Variants in LRRFIP2 observed in about 807,000 individuals in gnomAD.
The protein encoded by LRRFIP2 is leucine-rich repeat flightless-interacting protein 2.
In LRRFIP2, 109 loss-of-function variants were observed where a neutral mutation model predicts 125.9. The observed-to-expected ratio is 0.87, with a 90% confidence interval of 0.74 to 1.01. The LOEUF is 1.01. Among genes scored for constraint, LRRFIP2 ranks in the 50% least tolerant of loss-of-function variants. The probability of loss-of-function intolerance (pLI) is 0.00; values close to 1 mark genes in which losing one functional copy is unlikely to be tolerated. For synonymous variants in LRRFIP2, 291 were observed against 293.1 expected, an observed-to-expected ratio of 0.99 and a Z score of 0.07; for missense variants, 850 against 862.3, an observed-to-expected ratio of 0.99 and a Z score of 0.18.
intron 15 of LRRFIP2, among the ~76,000 whole-genome samples, 166 bp from the exon 16 acceptor site, chr3:37,096,826 C>T (rs1207065201): frequency 6.6e-6 from 1 of 151,918 alleles, no homozygotes; most frequent in Non-Finnish European, 1.5e-5. Context: ...GATAAAATGT[C>T]AGCAACTTTA....
intron 17 of LRRFIP2, 134 bp downstream of exon 17, chr3:37,094,656 CTT>C (rs1407738035): frequency 3.4e-6 from 2 of 592,020 alleles, no homozygotes; most frequent in Non-Finnish European, 6.0e-6. Flanking sequence ...TTGAGTCACA[CTT>C]TTGTACAGTA....
chr3:37,092,471 T>C (rs568603366), intron 17 of LRRFIP2, among the ~76,000 whole-genome samples: 2 of 152,338 alleles, frequency 1.3e-5, no homozygotes, highest in Admixed American at 6.5e-5. Context: ...AGGAGGCAGA[T>C]GGTAGGATAC....
At chr3:37,092,958 C>T (rs1198776449) in intron 17 of LRRFIP2, among the ~76,000 whole-genome samples, 1 of 152,104 alleles carries the variant, frequency 6.6e-6, no homozygotes, top group Admixed American at 6.6e-5. Flanking sequence ...CCTGCCTCAG[C>T]CTCCCAAGTA....
intron 1 of LRRFIP2, among the ~76,000 whole-genome samples, chr3:37,169,383 T>C (rs11920928): frequency 0.38 from 58,170 of 152,068 alleles, 11,832 homozygotes; most frequent in Non-Finnish European, 0.45. Context: ...TCCTTGACTG[T>C]TCACCTAGAT....
In LRRFIP2 at chr3:37,108,054, CAG is replaced by C. The variant is rs775167610; in HGVS notation, c.714+17_714+18del. ...CAATCAAAAATTTCTACAAAGCATG[CAG>C]AGACTAGACAGCTCACCCCTGGACT... On this transcript the variant is annotated intron_variant, in intron 13 of 27. Coordinates refer to ENST00000336686, the MANE Select transcript of LRRFIP2 (RefSeq NM_006309.4). 2.5e-6 allele frequency: 4 copies of C among 1,608,520 alleles called. No individual in the cohort carries two copies. The highest frequency in any genetic ancestry group is 2.7e-5 in the African/African-American group (2 of 74,696).
chr3:37,122,342 T>C (rs2095092321), intron 4 of LRRFIP2, among the ~76,000 whole-genome samples: 1 of 152,114 alleles, frequency 6.6e-6, no homozygotes, highest in South Asian at 2.1e-4. Flanking sequence ...ATCTTGGCAA[T>C]GTTCCTATTT....
chr3:37,167,930 C>A (rs1191209655), intron 1 of LRRFIP2, among the ~76,000 whole-genome samples: 4 of 152,036 alleles, frequency 2.6e-5, no homozygotes, highest in Admixed American at 2.6e-4. Context: ...GAGCTGTGGT[C>A]GGGCCATTGC....
At chr3:37,095,002 T>C in intron 16 of LRRFIP2, 94 bp from the exon 17 acceptor site, 1 of 801,420 alleles carries the variant, frequency 1.2e-6, no homozygotes, top group Non-Finnish European at 2.2e-6. Context: ...TGGGGGAAGA[T>C]GTGGGTTTCA....
intron 21 of LRRFIP2, chr3:37,067,885 G>GT (rs1472545309): frequency 4.6e-5 from 7 of 152,244 alleles, no homozygotes; most frequent in Middle Eastern, 3.4e-3. Flanking sequence ...CCCTTAAATA[G>GT]TTTTTTAAAT....
chr3:37,095,032 G>T (rs181810740), intron 16 of LRRFIP2, 124 bp from the exon 17 acceptor site: 27 of 668,084 alleles, frequency 4.0e-5, no homozygotes, highest in African/African-American at 1.3e-4. Flanking sequence ...GTTACCATGT[G>T]TAATCAATGG....
chr3:37,154,037 T>C (rs1207036518), intron 1 of LRRFIP2, among the ~76,000 whole-genome samples: 1 of 141,702 alleles, frequency 7.1e-6, no homozygotes, highest in Non-Finnish European at 1.6e-5. Context: ...TATCCAGACA[T>C]GTTGACGAAC....
At chr3:37,062,065 A>T (rs770245527) in intron 24 of LRRFIP2, among the ~76,000 whole-genome samples, 3 of 152,170 alleles carry the variant, frequency 2.0e-5, no homozygotes, top group Non-Finnish European at 2.9e-5. Flanking sequence ...CATCATTATA[A>T]TCATTTTCTT....
At chr3:37,123,510 T>C (rs548018549) in intron 4 of LRRFIP2, among the ~76,000 whole-genome samples, 2 of 152,198 alleles carry the variant, frequency 1.3e-5, no homozygotes, top group African/African-American at 4.8e-5. Context: ...TTTTTTATTA[T>C]GCAATAGACA....
At chr3:37,163,782 C>T (rs559576765) in intron 1 of LRRFIP2, among the ~76,000 whole-genome samples, 18 of 152,216 alleles carry the variant, frequency 1.2e-4, no homozygotes, top group African/African-American at 4.3e-4. Flanking sequence ...GAGGATATTG[C>T]AGGCTTGAGC....
At chr3:37,065,773 A>G (rs2090007576) in intron 23 of LRRFIP2, 37 bp downstream of exon 23, 2 of 1,613,982 alleles carry the variant, frequency 1.2e-6, no homozygotes, top group Non-Finnish European at 1.7e-6. Context: ...CAATAGGGTA[A>G]CATTAATCCA....
At chr3:37,088,375 C>G (rs997898550) in intron 18 of LRRFIP2, among the ~76,000 whole-genome samples, 2 of 151,956 alleles carry the variant, frequency 1.3e-5, no homozygotes, top group Non-Finnish European at 2.9e-5. Flanking sequence ...AAGGCATGGG[C>G]AATATTTAAA....
intron 19 of LRRFIP2, among the ~76,000 whole-genome samples, chr3:37,079,246 T>C (rs1045384097): frequency 6.6e-6 from 1 of 151,956 alleles, no homozygotes; most frequent in African/African-American, 2.4e-5. Flanking sequence ...ACCACACCTA[T>C]TAGGATGGCT....
intron 4 of LRRFIP2, among the ~76,000 whole-genome samples, chr3:37,126,723 G>T (rs1489102281): frequency 6.6e-6 from 1 of 151,960 alleles, no homozygotes; most frequent in East Asian, 1.9e-4. Context: ...GCTGGGCATG[G>T]TGGCGGGCGC....
chr3:37,057,084 T>G (rs905136460), intron 25 of LRRFIP2, among the ~76,000 whole-genome samples: 100 of 152,290 alleles, frequency 6.6e-4, no homozygotes, highest in African/African-American at 2.4e-3. Context: ...CTGCTTGCTT[T>G]TGTCTTTGCC....
Sources: gnomAD v4.1 joint callset for allele counts (sites outside exome capture counted in the v4.1 genomes callset) on GRCh38, gnomAD v4.1.1 for gene constraint, MANE v1.5 for transcripts, NCBI Gene and HGNC (gene_info 2026-07-23, HGNC 2026-07-21) for gene names.